DRC11: variants seen among roughly 807,000 people sequenced by gnomAD.
DRC11 encodes IQ and AAA domain-containing protein 1.
the DRC11 span, among the ~76,000 whole-genome samples, chr2:236,453,644 AT>A: frequency 7.0e-4 from 102 of 146,112 alleles, no homozygotes; most frequent in South Asian, 8.8e-4. This position sits in a 1 kb window ranked among gnomAD's most constrained non-coding sequence, Gnocchi z 4.9. Context: ...ACCAATTTTA[AT>A]TTTTTTTTTT....
chr2:236,459,632 T>TATATGTATATAC, the DRC11 span, among the ~76,000 whole-genome samples: 1 of 139,590 alleles, frequency 7.2e-6, no homozygotes, highest in African/African-American at 2.8e-5. Context: ...TACATACGTA[T>TATATGTATATAC]ATACGTATAT....
chr2:236,497,535 T>C, the DRC11 span: 1 of 1,390,546 alleles, frequency 7.2e-7, no homozygotes, highest in Non-Finnish European at 9.8e-7. This position sits in a 1 kb window ranked among gnomAD's most constrained non-coding sequence, Gnocchi z 5.1. Context: ...AAAAATCACT[T>C]GGTAAAACAT....
At chr2:236,385,005 G>T in the DRC11 span, among the ~76,000 whole-genome samples, 1 of 152,032 alleles carries the variant, frequency 6.6e-6, no homozygotes. Context: ...GCTCTGTTCT[G>T]TTCCATTGAT....
At chr2:236,443,774 C>G in the DRC11 span, among the ~76,000 whole-genome samples, 1 of 152,186 alleles carries the variant, frequency 6.6e-6, no homozygotes, top group African/African-American at 2.4e-5. This position sits in a 1 kb window ranked among gnomAD's most constrained non-coding sequence, Gnocchi z 4.4. Flanking sequence ...ATTTCTGCCT[C>G]TAGATCTTTG....
the DRC11 span, among the ~76,000 whole-genome samples, chr2:236,388,004 G>A: frequency 2.0e-5 from 3 of 152,096 alleles, no homozygotes; most frequent in African/African-American, 4.8e-5. Context: ...CTCTCTTCTC[G>A]CTTGTAGGGT....
the DRC11 span, among the ~76,000 whole-genome samples, chr2:236,316,415 G>C: frequency 6.6e-6 from 1 of 152,024 alleles, no homozygotes; most frequent in South Asian, 2.1e-4. This position sits in a 1 kb window ranked among gnomAD's most constrained non-coding sequence, Gnocchi z 6.8. Context: ...CACCTGCCTT[G>C]GCCTCCCAAA....
the DRC11 span, among the ~76,000 whole-genome samples, chr2:236,461,514 C>T: frequency 2.6e-5 from 4 of 152,340 alleles, no homozygotes; most frequent in South Asian, 6.2e-4. This position sits in a 1 kb window ranked among gnomAD's most constrained non-coding sequence, Gnocchi z 4.0. Context: ...ATACCATTGG[C>T]TTGCACCATT....
the DRC11 span, among the ~76,000 whole-genome samples, chr2:236,416,743 A>ATATATT: frequency 1.4e-4 from 8 of 56,424 alleles, no homozygotes; most frequent in Non-Finnish European, 2.6e-4. Context: ...ATATATATAT[A>ATATATT]TATATATATA....
At chr2:236,329,304 C>T in the DRC11 span, among the ~76,000 whole-genome samples, 1 of 152,158 alleles carries the variant, frequency 6.6e-6, no homozygotes, top group Admixed American at 6.5e-5. Flanking sequence ...AGGATGTAGA[C>T]GTCCTTGAGG....
chr2:236,353,333 A>C, the DRC11 span, among the ~76,000 whole-genome samples: 8 of 152,322 alleles, frequency 5.3e-5, no homozygotes, highest in African/African-American at 1.9e-4. This position sits in a 1 kb window ranked among gnomAD's most constrained non-coding sequence, Gnocchi z 5.0. Context: ...GCCTTTTCAA[A>C]TTCTAGGAAG....
chr2:236,476,966 T>A, the DRC11 span, among the ~76,000 whole-genome samples: 4 of 152,172 alleles, frequency 2.6e-5, no homozygotes, highest in Non-Finnish European at 5.9e-5. This position sits in a 1 kb window ranked among gnomAD's most constrained non-coding sequence, Gnocchi z 4.7. Flanking sequence ...GTGTTCTCCT[T>A]GTTGTGAATG....
At chr2:236,475,686 T>C in the DRC11 span, among the ~76,000 whole-genome samples, 1 of 152,132 alleles carries the variant, frequency 6.6e-6, no homozygotes, top group African/African-American at 2.4e-5. This position sits in a 1 kb window ranked among gnomAD's most constrained non-coding sequence, Gnocchi z 4.8. Context: ...TTCTCCACAT[T>C]CTTGCCGGAA....
chr2:236,389,115 G>T, the DRC11 span, among the ~76,000 whole-genome samples: 1 of 152,004 alleles, frequency 6.6e-6, no homozygotes, highest in African/African-American at 2.4e-5. Context: ...CTGTCTTTTT[G>T]TTTGTCTGTG....
At chr2:236,461,446 T>C in the DRC11 span, among the ~76,000 whole-genome samples, 2 of 152,206 alleles carry the variant, frequency 1.3e-5, no homozygotes, top group African/African-American at 2.4e-5. The surrounding 1 kb of genome is among the most constrained non-coding windows in gnomAD (Gnocchi z 4.0). Context: ...CACAAAATCA[T>C]CCCAAGTATA....
the DRC11 span, among the ~76,000 whole-genome samples, chr2:236,462,717 G>A: frequency 6.6e-6 from 1 of 152,044 alleles, no homozygotes; most frequent in Non-Finnish European, 1.5e-5. This position sits in a 1 kb window ranked among gnomAD's most constrained non-coding sequence, Gnocchi z 6.4. Flanking sequence ...GTATGAAACG[G>A]TGTGCCTGGC....
chr2:236,414,352 T>G, the DRC11 span, among the ~76,000 whole-genome samples: 1 of 152,252 alleles, frequency 6.6e-6, no homozygotes, highest in African/African-American at 2.4e-5. Flanking sequence ...CAAAGCTTCA[T>G]AGTTTTATGT....
the DRC11 span, among the ~76,000 whole-genome samples, chr2:236,390,631 C>A: frequency 1.4e-4 from 22 of 152,136 alleles, no homozygotes; most frequent in South Asian, 2.9e-3. The surrounding 1 kb of genome is among the most constrained non-coding windows in gnomAD (Gnocchi z 5.9). Context: ...ACAGGCCCAA[C>A]GCTGATTTTT....
the DRC11 span, among the ~76,000 whole-genome samples, chr2:236,505,680 C>T: frequency 6.6e-6 from 1 of 152,182 alleles, no homozygotes; most frequent in East Asian, 1.9e-4. Flanking sequence ...AGAGCACCCA[C>T]CCACTGAATA....
At chr2:236,491,190 A>ATATATATATATATATATATATACACACAG in the DRC11 span, among the ~76,000 whole-genome samples, 13 of 33,906 alleles carry the variant, frequency 3.8e-4, no homozygotes, top group Non-Finnish European at 4.8e-4. Flanking sequence ...TACACACAGT[A>ATATATATATATATATATATATACACACAG]TATATATATA....
Sources: gnomAD v4.1 joint callset for allele counts (sites outside exome capture counted in the v4.1 genomes callset) on GRCh38, gnomAD v4.1.1 for gene constraint, Gnocchi (gnomAD v3.1) non-coding constraint, MANE v1.5 for transcripts, NCBI Gene and HGNC (gene_info 2026-07-23, HGNC 2026-07-21) for gene names.